Variants in HLCS observed in about 807,000 individuals in gnomAD.
HLCS encodes the protein holocarboxylase synthetase.
A neutral mutation model predicts 75.0 loss-of-function variants in HLCS; 53 were observed. That is an observed-to-expected ratio of 0.71 (90% confidence interval 0.57 to 0.89). The LOEUF is 0.89. HLCS is among the 40% of genes least tolerant of loss of function. The probability of loss-of-function intolerance (pLI) is 0.00; values close to 1 mark genes in which losing one functional copy is unlikely to be tolerated. For synonymous variants in HLCS, 431 were observed against 428.6 expected (o/e 1.01, Z -0.07); for missense variants, 966 against 1,074.0 (o/e 0.90, Z 1.41).
chr21:36,848,272 T>TTG (rs1555910425), intron 6 of HLCS, among the ~76,000 whole-genome samples: 3 of 65,032 alleles, frequency 4.6e-5, no homozygotes, highest in African/African-American at 2.8e-4. Context: ...ATAATTGTTG[T>TTG]TTTTTTTTTT....
At chr21:36,762,587 C>T (rs558870494) in intron 8 of HLCS, among the ~76,000 whole-genome samples, 1 of 152,284 alleles carries the variant, frequency 6.6e-6, no homozygotes, top group Admixed American at 6.5e-5. Flanking sequence ...GAAATCCAAA[C>T]AACAGGGGCC....
At chr21:36,988,402 T>A (rs924323682) in intron 1 of HLCS, among the ~76,000 whole-genome samples, 1 of 152,208 alleles carries the variant, frequency 6.6e-6, no homozygotes, top group Non-Finnish European at 1.5e-5. Context: ...CCTCACTGTT[T>A]TTTATACGTG....
At chr21:36,894,802 T>C (rs900177620) in intron 6 of HLCS, among the ~76,000 whole-genome samples, 6 of 152,032 alleles carry the variant, frequency 3.9e-5, no homozygotes, top group African/African-American at 1.2e-4. Context: ...TCAGCTTCAA[T>C]GTCTGTCAAA....
chr21:36,968,508 CAA>C (rs10586592), upstream of HLCS: 16,041 of 152,172 alleles, frequency 0.11, 1,070 homozygotes, highest in Non-Finnish European at 0.14. Context: ...AGAAGAAAAA[CAA>C]AGTGATAAAC....
At chr21:36,963,825 A>C (rs543530920) in intron 1 of HLCS, among the ~76,000 whole-genome samples, 2 of 152,370 alleles carry the variant, frequency 1.3e-5, no homozygotes, top group East Asian at 3.9e-4. Context: ...TGATACTGCC[A>C]ATTTGTATAA....
intron 6 of HLCS, among the ~76,000 whole-genome samples, chr21:36,775,773 C>A (rs1326519699): frequency 6.6e-6 from 1 of 152,226 alleles, no homozygotes; most frequent in East Asian, 1.9e-4. Flanking sequence ...TCACCTGCCC[C>A]TAAAGAGGGT....
chr21:36,890,056 T>C (rs1451169404), intron 6 of HLCS, among the ~76,000 whole-genome samples: 1 of 152,172 alleles, frequency 6.6e-6, no homozygotes, highest in Non-Finnish European at 1.5e-5. Flanking sequence ...GTTTTGTAAG[T>C]GTTTGGTAGT....
At chr21:36,912,171 T>C (rs1361455416) in intron 5 of HLCS, among the ~76,000 whole-genome samples, 43 of 151,920 alleles carry the variant, frequency 2.8e-4, no homozygotes, top group Admixed American at 2.8e-3. Flanking sequence ...GACCCAGATA[T>C]GTGTGTGCCA....
At position 36,819,008 on chromosome 21, in the gene HLCS, G is replaced by A. The variant is rs536683456; in HGVS notation, c.1893-51723C>T. Among the ~76,000 whole-genome samples, 24 of 152,236 alleles carry A rather than the reference G, an allele frequency of 1.6e-4. No individual in the cohort carries two copies. In the Middle Eastern group the frequency reaches 0.01, roughly 65 times the overall value. On this transcript the variant is annotated intron_variant, in intron 6 of 10. Coordinates refer to ENST00000674895, the MANE Select transcript of HLCS (RefSeq NM_001352514.2). ...TGACTGCGACAAATTATAAAGCAACGTCGATGCTAACGCCAGAAACACCAA... is the reference window on the plus strand; with the variant it reads ...TGACTGCGACAAATTATAAAGCAACATCGATGCTAACGCCAGAAACACCAA...
In HLCS at chr21:36,749,442, A is replaced by G. The variant is rs1238764920; in HGVS notation, c.*4804T>C. 10 of 119,610 alleles carry G rather than the reference A, an allele frequency of 8.4e-5. No homozygotes were observed. The highest frequency in any genetic ancestry group is 3.2e-4 in the Admixed American group (4 of 12,458). 7.4% of individuals were successfully genotyped at this position (119,610 alleles called of 1,614,324 possible). A position where few individuals can be genotyped will look rare whatever the true frequency, so the allele number is the denominator to read the frequency against. ...CTACACCAACTGCTCTCAAAATGTG[A>G]ACTGACTTTTTTTTTTTTTTTTTTG... is the stretch of plus-strand genomic sequence containing the variant. On this transcript the variant is annotated 3_prime_UTR_variant, in exon 11 of 11. Coordinates refer to ENST00000674895, the MANE Select transcript of HLCS (RefSeq NM_001352514.2).
At chr21:36,957,271 G>A (rs965021999) in intron 2 of HLCS, among the ~76,000 whole-genome samples, 2 of 151,988 alleles carry the variant, frequency 1.3e-5, no homozygotes, top group African/African-American at 4.8e-5. Flanking sequence ...AAAATGTGTG[G>A]CACCTCCCCC....
rs115766520 is a variant in HLCS, at chr21:36,849,613, G to A, written c.1892+47247C>T. ...TTCTGCTGGGGGCAGGGGTAGGGGT[G>A]GTCAGGGCACAGCCAAGTACCGGGC... is the stretch of plus-strand genomic sequence containing the variant. On this transcript the variant is annotated intron_variant, in intron 6 of 10. Transcript: ENST00000674895. Among the ~76,000 whole-genome samples the A allele has an allele frequency of 6.7e-3, 1,020 of 152,302 alleles. 20 individuals carry two copies. Among genetic ancestry groups the A allele is most frequent in the African/African-American group, 0.023 (947 of 41,572 alleles).
Position 36,961,719 on chromosome 21 carries a change from C to T in HLCS, c.330+317G>A, listed in dbSNP as rs188634060. Among the ~76,000 whole-genome samples, 651 of 152,046 alleles carry T rather than the reference C, an allele frequency of 4.3e-3. 1 individual carries two copies. Among genetic ancestry groups the T allele is most frequent in the African/African-American group, 0.014 (594 of 41,480 alleles). On this transcript the variant is annotated intron_variant, in intron 2 of 10. Transcript: ENST00000674895. ...CTGTAATCCCAGCACTTTGGGAGGC[C>T]GAGGCAGGTGGATCACTTGAGGTCA...
chr21:36,907,288 A>G (rs140563558), intron 5 of HLCS, among the ~76,000 whole-genome samples: 1 of 152,326 alleles, frequency 6.6e-6, no homozygotes, highest in Non-Finnish European at 1.5e-5. Context: ...CAAAATAAGC[A>G]TGAACCATAA....
intron 6 of HLCS, among the ~76,000 whole-genome samples, chr21:36,796,241 T>C (rs917966982): frequency 6.6e-6 from 1 of 152,252 alleles, no homozygotes; most frequent in Non-Finnish European, 1.5e-5. Flanking sequence ...ACATCTTATG[T>C]GTATTATAAT....
intron 6 of HLCS, among the ~76,000 whole-genome samples, chr21:36,885,192 A>G (rs899996094): frequency 2.0e-5 from 3 of 152,216 alleles, no homozygotes; most frequent in Admixed American, 2.0e-4. Flanking sequence ...GAAATCTTCA[A>G]ACAAAAACTC....
At chr21:36,788,845 G>C (rs577583609) in intron 6 of HLCS, among the ~76,000 whole-genome samples, 6 of 152,126 alleles carry the variant, frequency 3.9e-5, no homozygotes, top group African/African-American at 1.4e-4. Context: ...GTTGGATTTC[G>C]TTGTTTTTGT....
upstream of HLCS, among the ~76,000 whole-genome samples, chr21:36,969,405 C>T (rs1389745513): frequency 6.6e-6 from 1 of 152,064 alleles, no homozygotes; most frequent in Non-Finnish European, 1.5e-5. Context: ...ATCCTAGGCC[C>T]CACCCAACCC....
chr21:36,955,760 CCACT>C (rs1276856570), intron 2 of HLCS, among the ~76,000 whole-genome samples: 1 of 152,188 alleles, frequency 6.6e-6, no homozygotes, highest in African/African-American at 2.4e-5. Context: ...CATTCACACG[CCACT>C]CACTCACTGA....
Sources: allele counts gnomAD v4.1 joint callset (sites outside exome capture counted in the v4.1 genomes callset), GRCh38; gene constraint gnomAD v4.1.1; transcripts MANE v1.5; gene names NCBI Gene and HGNC (gene_info 2026-07-23, HGNC 2026-07-21).